Variants in AMOT observed in about 807,000 individuals in gnomAD.
AMOT encodes the protein angiomotin.
A neutral mutation model predicts 67.0 loss-of-function variants in AMOT; 11 were observed. The ratio of observed to expected loss-of-function variants is 0.16; its 90% CI spans 0.10 to 0.27. The LOEUF is 0.27. Ranked by LOEUF, AMOT falls within the 10% of genes least tolerant of loss-of-function variation. The probability of loss-of-function intolerance (pLI) is 1.00; values close to 1 mark genes in which losing one functional copy is unlikely to be tolerated. For missense variants in AMOT, 753 were observed against 852.0 expected (o/e 0.88, Z 1.45); for synonymous variants, 326 against 321.4 (o/e 1.01, Z -0.15).
intron 5 of AMOT, 107 bp downstream of exon 5, chrX:112,815,251 G>A: frequency 9.8e-7 from 1 of 1,022,490 alleles, no homozygotes. Flanking sequence ...CTGAAGACCT[G>A]CCACAAGTAA....
intron 5 of AMOT, among the ~76,000 whole-genome samples, chrX:112,814,325 C>T (rs1032653966): frequency 1.8e-5 from 2 of 111,059 alleles, no homozygotes; most frequent in Non-Finnish European, 3.8e-5. Flanking sequence ...ATAATAAGCC[C>T]CTGTCTCCTT....
chrX:112,830,140 C>T (rs1444596170), intron 2 of AMOT, among the ~76,000 whole-genome samples: 2 of 111,779 alleles, frequency 1.8e-5, no homozygotes, highest in Non-Finnish European at 3.8e-5. Context: ...CACTTATAAT[C>T]CAAGCACCTC....
chrX:112,819,419 A>G, intron 4 of AMOT: 1 of 754,061 alleles, frequency 1.3e-6, no homozygotes, highest in Non-Finnish European at 1.6e-6. Flanking sequence ...TCTCTTGCAC[A>G]ACCAGCTCTG....
Position 112,811,298 on chromosome X carries a change from C to G in AMOT, c.1488G>C (p.Lys496Asn). The G allele has an allele frequency of 8.3e-7, 1 of 1,211,579 alleles. No homozygotes were observed. Among genetic ancestry groups the G allele is most frequent in the East Asian group, 3.0e-5 (1 of 33,847 alleles). Residue 496 changes from lysine to asparagine, a missense_variant, in exon 6 of 14, where the codon AAG (lysine) becomes AAC (asparagine). This residue lies in a region of AMOT where 297 missense variants were observed against 284.3 expected (regional missense o/e 1.04). Coordinates refer to ENST00000371959, the MANE Select transcript of AMOT (RefSeq NM_001113490.2). ...REALEKAMRNKLEGEIRRMHD... is the reference protein window; with the variant it reads ...REALEKAMRNNLEGEIRRMHD... Reference sequence around the variant, plus strand: ...GCATCCTCCGAATCTCGCCCTCTAGCTTGTTTCTCATGGCTTTCTCTAGGG... The same window carrying G: ...GCATCCTCCGAATCTCGCCCTCTAGGTTGTTTCTCATGGCTTTCTCTAGGG...
chrX:112,804,898 T>TACCCCCCCCCCCC, intron 8 of AMOT, 49 bp downstream of exon 8: 1 of 837,587 alleles, frequency 1.2e-6, no homozygotes. Flanking sequence ...GTCCCCGATT[T>TACCCCCCCCCCCC]CCCAGCCCTC....
intron 1 of AMOT, among the ~76,000 whole-genome samples, chrX:112,834,889 A>G: frequency 8.9e-6 from 1 of 112,450 alleles, no homozygotes; most frequent in East Asian, 2.8e-4. Context: ...GAGTCCTCTT[A>G]TTTGTACCTC....
Position 112,815,610 on chromosome X carries a change from T to C in AMOT, c.1140A>G (p.Gln380=), listed in dbSNP as rs1934524273. 8.3e-7 allele frequency: 1 copy of C among 1,205,780 alleles called. No homozygotes were observed. Among genetic ancestry groups the C allele is most frequent in the African/African-American group, 1.7e-5 (1 of 57,506 alleles). ...GGTGATGATGGTGCTGCTGCTGCTG[T>C]TGCTGCTGCTGCTGACTCAGGCCAG... The part of the protein sequence containing the change: ...SQPGLSQQQQ[Q]QQQQHHHHHH... Residue 380 remains glutamine (Q), a synonymous_variant, in exon 5 of 14, where the codon CAA becomes CAG. Transcript: ENST00000371959.
intron 1 of AMOT, among the ~76,000 whole-genome samples, chrX:112,833,094 C>G (rs1283791670): frequency 8.9e-6 from 1 of 111,761 alleles, no homozygotes; most frequent in Non-Finnish European, 1.9e-5. Context: ...TTTGCACAAA[C>G]TACTGCAGGC....
rs1007265271 is a variant in AMOT at position 112,822,232 on chromosome X, T to C, written c.872+23A>G. 5.3e-5 allele frequency: 57 copies of C among 1,079,704 alleles called. No individual in the cohort carries two copies. In the Middle Eastern group the frequency reaches 7.6e-4, roughly 14 times the overall value. The allele number at this position is 1,079,704 out of a possible 1,213,427, so 89.0% of individuals were successfully genotyped here. On this transcript the variant is annotated intron_variant, in intron 4 of 13. Transcript: ENST00000371959. ...GCTGGTTGGGGATGAGGTCAGGAAA[T>C]GACAGAAACAGAACTCTCTTACCTG...
intron 5 of AMOT, among the ~76,000 whole-genome samples, chrX:112,811,887 G>C: frequency 9.0e-6 from 1 of 111,425 alleles, no homozygotes; most frequent in African/African-American, 3.3e-5. Flanking sequence ...CAGCAGCAGA[G>C]ACCAACCCTA....
chrX:112,780,375 T>G (rs1158062554), intron 12 of AMOT: 1 of 115,980 alleles, frequency 8.6e-6, no homozygotes, highest in Non-Finnish European at 1.8e-5. Flanking sequence ...GGGGAGGGAA[T>G]GGACAGGAAC....
rs1057000128 is a variant in AMOT, at chrX:112,776,319, T to A, written c.*2248A>T. 4.4e-5 allele frequency: 5 copies of A among 112,551 alleles called. No individual in the cohort carries two copies. The highest frequency in any genetic ancestry group is 1.3e-4 in the African/African-American group (4 of 30,964). The allele number at this position is 112,551 out of a possible 1,213,427, so 9.3% of individuals were successfully genotyped here. ...AAAGGAGTAGGTGAAAAGTGTTTTT[T>A]AAATTATTTGGATAGAAAGTAGCTC... On this transcript the variant is annotated 3_prime_UTR_variant, in exon 14 of 14. Transcript: ENST00000371959.
At chrX:112,814,142 C>A (rs1934460622) in intron 5 of AMOT, among the ~76,000 whole-genome samples, 1 of 110,775 alleles carries the variant, frequency 9.0e-6, no homozygotes, top group Admixed American at 9.6e-5. Flanking sequence ...CGTGGTGACA[C>A]ATGCCTGTAA....
chrX:112,801,248 G>A (rs1445995645), intron 8 of AMOT, among the ~76,000 whole-genome samples: 1 of 111,400 alleles, frequency 9.0e-6, no homozygotes, highest in Non-Finnish European at 1.9e-5. Context: ...GTCTTTGAAT[G>A]GGAGAATACC....
rs1372359596 is a variant in AMOT at position 112,814,238 on chromosome X, C to G, written c.1392+1120G>C. ...AGTGAGTGGAGATCGTGCCATTGCA[C>G]TGCAGGCTAGGTAACAAGAGCGAGA... On this transcript the variant is annotated intron_variant, in intron 5 of 13. Coordinates refer to ENST00000371959, the MANE Select transcript of AMOT (RefSeq NM_001113490.2). 2.8e-5 allele frequency among the ~76,000 whole-genome samples: 3 copies of G among 106,190 alleles called. No individual in the cohort carries two copies. The East Asian group carries it at 8.8e-4, about 31-fold the overall frequency. The allele number at this position is 106,190 out of a possible 115,157, so 92.2% of individuals were successfully genotyped here.
chrX:112,818,123 C>A (rs1292964012), intron 4 of AMOT, among the ~76,000 whole-genome samples: 1 of 111,316 alleles, frequency 9.0e-6, no homozygotes, highest in African/African-American at 3.3e-5. Context: ...ACTATATTAA[C>A]CTTCATTTTT....
chrX:112,793,655 T>G (rs887528785), intron 8 of AMOT, among the ~76,000 whole-genome samples: 2 of 112,506 alleles, frequency 1.8e-5, no homozygotes, highest in Non-Finnish European at 3.8e-5. Context: ...CAAAACCTTT[T>G]TCGACTTTTG....
Position 112,781,207 on chromosome X carries a change from C to T in AMOT, c.2241-89G>A, listed in dbSNP as rs761117631. 25 of 853,489 alleles carry T rather than the reference C, an allele frequency of 2.9e-5. No homozygotes were observed. The East Asian group carries it at 4.7e-4, about 16-fold the overall frequency. The allele number at this position is 853,489 out of a possible 1,213,427, so 70.3% of individuals were successfully genotyped here. A position where few individuals can be genotyped will look rare whatever the true frequency, so the allele number is the denominator to read the frequency against. On this transcript the variant is annotated intron_variant, in intron 11 of 13. Coordinates refer to ENST00000371959, the MANE Select transcript of AMOT (RefSeq NM_001113490.2). ...CTGTAATCCCAGCATTTTGGGAGGC[C>T]GAGGTGGGCGGATTGCAAAGTCAGG...
intron 10 of AMOT, among the ~76,000 whole-genome samples, chrX:112,784,859 G>A (rs1449109884): frequency 3.6e-5 from 4 of 111,996 alleles, no homozygotes; most frequent in Non-Finnish European, 7.5e-5. Context: ...TTGTCACTGG[G>A]GGAACTAGTG....
Sources: gnomAD v4.1 joint callset for allele counts (sites outside exome capture counted in the v4.1 genomes callset) on GRCh38, gnomAD v4.1.1 for gene constraint, gnomAD v4.1.1 regional missense constraint, MANE v1.5 for transcripts, NCBI Gene and HGNC (gene_info 2026-07-23, HGNC 2026-07-21) for gene names.